The following TTC9 variants were observed in gnomAD, a reference collection of about 807,000 sequenced individuals.
TTC9 encodes tetratricopeptide repeat protein 9A.
A neutral mutation model predicts 22.9 loss-of-function variants in TTC9; 13 were observed. The observed-to-expected ratio is 0.57, with a 90% CI of 0.37 to 0.90. The LOEUF (loss-of-function observed/expected upper bound fraction) is 0.90, where lower values mean the gene tolerates loss of function less well. Among genes scored for constraint, TTC9 ranks in the 40% least tolerant of loss-of-function variants. The pLI is 0.01. For missense variants in TTC9, 280 were observed against 291.8 expected, an observed-to-expected ratio of 0.96 and a Z score of 0.29; for synonymous variants, 148 against 133.2, an observed-to-expected ratio of 1.11 and a Z score of -0.77.
rs377712354 is a variant in TTC9, at chr14:70,658,579, T to A, written c.407-8985T>A. Among the ~76,000 whole-genome samples, 58 of 152,254 alleles carry A rather than the reference T, an allele frequency of 3.8e-4. No homozygotes were observed. The East Asian group carries it at 5.8e-3, about 15-fold the overall frequency. ...TATAATTTCACAGATATTTAAAAAA[T>A]AATAATTTCTTAGCAAGTTAGAAAT... is the stretch of plus-strand genomic sequence containing the variant. On this transcript the variant is annotated intron_variant, in intron 1 of 2. Transcript: ENST00000256367.
intron 1 of TTC9, among the ~76,000 whole-genome samples, chr14:70,659,161 C>CACACACACACACAT (rs1886110956): frequency 1.3e-5 from 2 of 151,850 alleles, no homozygotes; most frequent in Non-Finnish European, 2.9e-5. Context: ...CACACACACA[C>CACACACACACACAT]ATACTGGGTA....
At chr14:70,646,673 T>A (rs1376071653) in intron 1 of TTC9, among the ~76,000 whole-genome samples, 1 of 152,244 alleles carries the variant, frequency 6.6e-6, no homozygotes, top group Non-Finnish European at 1.5e-5. Context: ...CCTGCCATTT[T>A]ACTTTACCTC....
intron 1 of TTC9, among the ~76,000 whole-genome samples, chr14:70,657,964 T>TCAAA (rs576627915): frequency 1.0e-3 from 156 of 152,186 alleles, no homozygotes; most frequent in Non-Finnish European, 1.4e-3. Flanking sequence ...AGACTCCATC[T>TCAAA]CAAACAAACA....
At chr14:70,664,444 G>T (rs1474017022) in intron 1 of TTC9, among the ~76,000 whole-genome samples, 2 of 152,098 alleles carry the variant, frequency 1.3e-5, no homozygotes, top group Non-Finnish European at 2.9e-5. Context: ...TCCTGGCCTG[G>T]GCCGGGTGTA....
chr14:70,650,532 G>A (rs982224187), intron 1 of TTC9, among the ~76,000 whole-genome samples: 2 of 152,176 alleles, frequency 1.3e-5, no homozygotes, highest in Admixed American at 1.3e-4. Context: ...GCAGAAGTGG[G>A]GCTTAGTGAA....
chr14:70,651,881 C>T (rs1885989604), intron 1 of TTC9, among the ~76,000 whole-genome samples: 1 of 151,958 alleles, frequency 6.6e-6, no homozygotes, highest in South Asian at 2.1e-4. Context: ...GAAGGAAGCT[C>T]AGTCATTCCA....
At chr14:70,643,765 T>C (rs1166738995) in intron 1 of TTC9, among the ~76,000 whole-genome samples, 1 of 152,186 alleles carries the variant, frequency 6.6e-6, no homozygotes, top group Non-Finnish European at 1.5e-5. Context: ...CCTACCTCTG[T>C]CTTCCCAGAA....
At chr14:70,664,743 A>AC (rs1467119747) in intron 1 of TTC9, among the ~76,000 whole-genome samples, 3 of 150,240 alleles carry the variant, frequency 2.0e-5, no homozygotes, top group African/African-American at 7.3e-5. Flanking sequence ...AAAAAAAAAA[A>AC]AGAGTCCTGG....
intron 2 of TTC9, among the ~76,000 whole-genome samples, chr14:70,669,231 C>A (rs1203356856): frequency 6.6e-6 from 1 of 152,036 alleles, no homozygotes; most frequent in Non-Finnish European, 1.5e-5. Context: ...GAGGAAGTAA[C>A]ATTTAAACAA....
At chr14:70,660,941 A>G (rs1362264066) in intron 1 of TTC9, among the ~76,000 whole-genome samples, 1 of 152,222 alleles carries the variant, frequency 6.6e-6, no homozygotes, top group Non-Finnish European at 1.5e-5. Flanking sequence ...CTCACAAAGC[A>G]GTGACTAGCA....
chr14:70,668,830 G>A (rs1201320804), intron 2 of TTC9, among the ~76,000 whole-genome samples: 16 of 138,590 alleles, frequency 1.2e-4, no homozygotes, highest in African/African-American at 3.4e-4. Flanking sequence ...CAGCCTGAGC[G>A]ACAGAACAAG....
intron 1 of TTC9, among the ~76,000 whole-genome samples, chr14:70,649,798 C>T (rs1317754142): frequency 6.6e-6 from 1 of 152,186 alleles, no homozygotes; most frequent in Non-Finnish European, 1.5e-5. Context: ...GGCAGTTAGA[C>T]ATCCTTTTAC....
chr14:70,665,549 C>T (rs375885490), intron 1 of TTC9, among the ~76,000 whole-genome samples: 3 of 152,172 alleles, frequency 2.0e-5, no homozygotes, highest in East Asian at 1.9e-4. Context: ...GAGCTGCCCT[C>T]GGGGGTTAGC....
At chr14:70,645,024 A>G (rs1885883249) in intron 1 of TTC9, among the ~76,000 whole-genome samples, 1 of 152,174 alleles carries the variant, frequency 6.6e-6, no homozygotes, top group South Asian at 2.1e-4. Context: ...AGGCAGGAGA[A>G]TGGCATAAAC....
At chr14:70,667,461 A>C in intron 1 of TTC9, 103 bp from the exon 2 acceptor site, 1 of 1,286,472 alleles carries the variant, frequency 7.8e-7, no homozygotes, top group Non-Finnish European at 1.1e-6. Flanking sequence ...ACCCCAGTGG[A>C]AAACCCCAAC....
intron 1 of TTC9, among the ~76,000 whole-genome samples, chr14:70,650,472 T>C (rs1461281335): frequency 6.6e-6 from 1 of 152,144 alleles, no homozygotes; most frequent in East Asian, 1.9e-4. Context: ...GGGAGTTCTT[T>C]GAAGGCTAAA....
At chr14:70,658,401 G>A (rs566328950) in intron 1 of TTC9, among the ~76,000 whole-genome samples, 63 of 152,300 alleles carry the variant, frequency 4.1e-4, no homozygotes, top group African/African-American at 1.4e-3. Context: ...ATAAAGAACA[G>A]TAATGATCCT....
intron 1 of TTC9, among the ~76,000 whole-genome samples, chr14:70,657,303 A>T (rs1886080578): frequency 6.6e-6 from 1 of 152,326 alleles, no homozygotes; most frequent in East Asian, 1.9e-4. Context: ...TGCCTACCCG[A>T]AATTGTGTAG....
intron 1 of TTC9, among the ~76,000 whole-genome samples, chr14:70,650,748 A>G (rs1566696167): frequency 1.3e-5 from 2 of 152,212 alleles, no homozygotes; most frequent in Non-Finnish European, 2.9e-5. Context: ...GAGAAGTTCT[A>G]TGTGTGCTTA....
Sources: allele counts gnomAD v4.1 joint callset (sites outside exome capture counted in the v4.1 genomes callset), GRCh38; gene constraint gnomAD v4.1.1; transcripts MANE v1.5; gene names NCBI Gene and HGNC (gene_info 2026-07-23, HGNC 2026-07-21).